The following GPR35 variants were observed in gnomAD, a reference collection of about 807,000 sequenced individuals.
GPR35 encodes the protein KYNA receptor.
For synonymous variants in GPR35, 207 were observed against 198.4 expected (o/e 1.04, Z -0.36); for missense variants, 372 against 422.5 (o/e 0.88, Z 1.05).
chr2:240,623,512 G>GTGAGGGTGCAAACAGGTCA (rs2043332567), upstream of GPR35, among the ~76,000 whole-genome samples: 1 of 149,088 alleles, frequency 6.7e-6, no homozygotes, highest in South Asian at 2.2e-4. Context: ...CAAACAGGTC[G>GTGAGGGTGCAAACAGGTCA]TGAGGGTGCA....
In GPR35 at chr2:240,632,122, G is replaced by A. The variant is rs2043455118; in HGVS notation, c.*1240G>A. ...CATTCCCAGGAGGGTCCCGTGCCCA[G>A]GAGGGCTCTATGCCCAAAAGGGTCC... On this transcript the variant is annotated 3_prime_UTR_variant, in exon 2 of 2. Coordinates refer to ENST00000407714, the MANE Select transcript of GPR35 (RefSeq NM_005301.5). Among the ~76,000 whole-genome samples the A allele has an allele frequency of 6.6e-6, 1 of 151,978 alleles. No homozygotes were observed. The highest frequency in any genetic ancestry group is 6.6e-5 in the Admixed American group (1 of 15,260).
upstream of GPR35, among the ~76,000 whole-genome samples, chr2:240,624,579 G>A (rs558712810): frequency 2.0e-5 from 3 of 152,306 alleles, no homozygotes; most frequent in South Asian, 2.1e-4. Flanking sequence ...CTGGGCGTCC[G>A]TTTCCACCGC....
At chr2:240,623,078 C>G (rs925950265), upstream of GPR35, among the ~76,000 whole-genome samples, 2 of 152,150 alleles carry the variant, frequency 1.3e-5, no homozygotes, top group Admixed American at 1.3e-4. Context: ...CGGGCGCCGA[C>G]GACGACTGAG....
chr2:240,631,215 G>A lies in GPR35; in HGVS notation c.*333G>A. Reference sequence around the variant, plus strand: ...TGCAGCCTTGATGACACCTGCCGCTGCCCCTCGGGGCTGGAATAAAACTCC... The same window carrying A: ...TGCAGCCTTGATGACACCTGCCGCTACCCCTCGGGGCTGGAATAAAACTCC... On this transcript the variant is annotated 3_prime_UTR_variant, in exon 2 of 2. Transcript: ENST00000407714. 2.9e-6 allele frequency: 1 copy of A among 343,198 alleles called. No homozygotes were observed. 21.3% of individuals were successfully genotyped at this position (343,198 alleles called of 1,614,324 possible). A position where few individuals can be genotyped will look rare whatever the true frequency, so the allele number is the denominator to read the frequency against.
intron 2 of GPR35, among the ~76,000 whole-genome samples, chr2:240,611,432 G>T (rs1238863763): frequency 6.6e-6 from 1 of 152,012 alleles, no homozygotes; most frequent in Non-Finnish European, 1.5e-5. Context: ...TGGATTAGTT[G>T]ACTATTTTGT....
upstream of GPR35, among the ~76,000 whole-genome samples, chr2:240,622,039 A>ATTT (rs34528477): frequency 6.9e-6 from 1 of 145,720 alleles, no homozygotes; most frequent in African/African-American, 2.5e-5. Flanking sequence ...TGCGTGGCTG[A>ATTT]TTTTTTTTTT....
intron 2 of GPR35, among the ~76,000 whole-genome samples, chr2:240,610,780 G>A (rs987863567): frequency 8.0e-5 from 12 of 150,694 alleles, no homozygotes; most frequent in African/African-American, 1.5e-4. Context: ...GACTACAGGC[G>A]CCCGCCACCA....
At chr2:240,612,765 C>T (rs1020456729) in intron 2 of GPR35, among the ~76,000 whole-genome samples, 3 of 152,352 alleles carry the variant, frequency 2.0e-5, no homozygotes, top group Admixed American at 6.5e-5. Context: ...TGATCAAATC[C>T]GGGCTTCTCC....
chr2:240,614,693 C>T (rs190639163), intron 2 of GPR35, among the ~76,000 whole-genome samples: 81 of 152,278 alleles, frequency 5.3e-4, no homozygotes, highest in Non-Finnish European at 9.7e-4. Context: ...AGGGAGGGAC[C>T]GGGTAGGCGC....
upstream of GPR35, among the ~76,000 whole-genome samples, chr2:240,624,505 G>A (rs141992256): frequency 0.013 from 2,031 of 152,340 alleles, 22 homozygotes; most frequent in Middle Eastern, 0.041. Flanking sequence ...TGGCTCAGGA[G>A]GCCCAGGCAC....
At position 240,632,991 on chromosome 2, in the gene GPR35, T is replaced by C. The variant is rs1253976471; in HGVS notation, c.*2109T>C. ...TCTCATGATAGTGAGTGAGTTCTCA[T>C]GAGATCTGATGGTTTTATAAGGGGC... On this transcript the variant is annotated 3_prime_UTR_variant, in exon 2 of 2. Transcript: ENST00000407714. Among the ~76,000 whole-genome samples the C allele has an allele frequency of 6.6e-6, 1 of 151,810 alleles. No individual in the cohort carries two copies. Among genetic ancestry groups the C allele is most frequent in the East Asian group, 1.9e-4 (1 of 5,166 alleles).
chr2:240,625,878 G>A (rs1470076374), intron 1 of GPR35, among the ~76,000 whole-genome samples: 22 of 142,650 alleles, frequency 1.5e-4, no homozygotes, highest in Admixed American at 3.5e-4. Flanking sequence ...AGTGGGGTGA[G>A]GCTGTGATGG....
chr2:240,616,948 C>T lies in GPR35; in HGVS notation c.-452-142C>T, dbSNP rs2043245499. On this transcript the variant is annotated intron_variant, in intron 3 of 5. Transcript: ENST00000319838. ...AGATTTGGGGTCCTCAGGCCAGCTG[C>T]CCATTGGGAATGAAACTCTACCAAC... The T allele has an allele frequency of 5.2e-6, 4 of 773,670 alleles. No homozygotes were observed. In the East Asian group the frequency reaches 7.3e-5, roughly 14 times the overall value. 47.9% of individuals were successfully genotyped at this position (773,670 alleles called of 1,614,324 possible). A position where few individuals can be genotyped will look rare whatever the true frequency, so the allele number is the denominator to read the frequency against.
chr2:240,614,665 C>G (rs2043221589), intron 2 of GPR35, among the ~76,000 whole-genome samples: 1 of 152,234 alleles, frequency 6.6e-6, no homozygotes, highest in Non-Finnish European at 1.5e-5. Flanking sequence ...TGGTGTCCAT[C>G]TCTGTGTGAG....
At chr2:240,608,407 A>G (rs1559432014) in intron 2 of GPR35, among the ~76,000 whole-genome samples, 1 of 152,210 alleles carries the variant, frequency 6.6e-6, no homozygotes, top group African/African-American at 2.4e-5. Context: ...TAGTTTATCT[A>G]TAGGTGATCT....
At chr2:240,608,181 T>C (rs545748235) in intron 2 of GPR35, among the ~76,000 whole-genome samples, 1 of 152,340 alleles carries the variant, frequency 6.6e-6, no homozygotes, top group East Asian at 1.9e-4. Context: ...CCTGAGCTAC[T>C]GTGCCAAGCT....
intron 4 of GPR35, among the ~76,000 whole-genome samples, chr2:240,618,535 G>A (rs1289329563): frequency 6.6e-6 from 1 of 152,180 alleles, no homozygotes; most frequent in African/African-American, 2.4e-5. Context: ...AAGTCAGTTA[G>A]TTTCATTTTG....
rs999060540 is a variant in GPR35, at chr2:240,616,845, G to A, written c.-452-245G>A. The A allele has an allele frequency of 2.0e-5, 14 of 711,350 alleles. No individual in the cohort carries two copies. The Admixed American group carries it at 2.6e-4, about 13-fold the overall frequency. The allele number at this position is 711,350 out of a possible 1,614,324, so 44.1% of individuals were successfully genotyped here. A position where few individuals can be genotyped will look rare whatever the true frequency, so the allele number is the denominator to read the frequency against. ...ATGCATACTCTCTCTCGCTGGCTCT[G>A]GGGTAGCCAGATGCCATGCTGTGTG... On this transcript the variant is annotated intron_variant, in intron 3 of 5. Coordinates refer to the GPR35 transcript ENST00000319838.
At chr2:240,610,628 G>T (rs2043174027) in intron 2 of GPR35, among the ~76,000 whole-genome samples, 1 of 151,554 alleles carries the variant, frequency 6.6e-6, no homozygotes, top group South Asian at 2.1e-4. Flanking sequence ...ACGTGGCTAA[G>T]TTTTTAACTT....
Sources: gnomAD v4.1 joint callset for allele counts (sites outside exome capture counted in the v4.1 genomes callset) on GRCh38, gnomAD v4.1.1 for gene constraint, MANE v1.5 for transcripts, NCBI Gene and HGNC (gene_info 2026-07-23, HGNC 2026-07-21) for gene names.